Variants in ABCA1 observed in about 807,000 individuals in gnomAD.
ABCA1 encodes phospholipid-transporting ATPase ABCA1.
In ABCA1, 133 loss-of-function variants were observed where a neutral mutation model predicts 262.5. The observed-to-expected ratio is 0.51, with a 90% CI of 0.44 to 0.59. The LOEUF is 0.59. Among genes scored for constraint, ABCA1 ranks in the 20% least tolerant of loss-of-function variants. The pLI is 0.00. For missense variants in ABCA1, 2,452 were observed against 2,777.5 expected, an observed-to-expected ratio of 0.88 and a Z score of 2.63; for synonymous variants, 1,022 against 1,043.5, an observed-to-expected ratio of 0.98 and a Z score of 0.40.
intron 6 of ABCA1, among the ~76,000 whole-genome samples, chr9:104,860,677 T>C (rs985971199): frequency 6.6e-6 from 1 of 151,866 alleles, no homozygotes; most frequent in Non-Finnish European, 1.5e-5. Context: ...CTAATAATGA[T>C]GCCAGAGGAA....
chr9:104,840,580 G>T (rs139804832), intron 8 of ABCA1, 61 bp from the exon 9 acceptor site: 15 of 1,503,352 alleles, frequency 1.0e-5, no homozygotes, highest in Non-Finnish European at 1.4e-5. Flanking sequence ...GCAGTGCAAG[G>T]GTTGGGGATG....
intron 1 of ABCA1, among the ~76,000 whole-genome samples, chr9:104,915,198 A>C (rs1841770885): frequency 6.6e-6 from 1 of 152,226 alleles, no homozygotes; most frequent in African/African-American, 2.4e-5. Context: ...TTCATACAGT[A>C]TCGGCAGCCT....
intron 22 of ABCA1, among the ~76,000 whole-genome samples, chr9:104,819,199 G>T (rs1832047905): frequency 1.3e-5 from 2 of 152,146 alleles, no homozygotes; most frequent in Admixed American, 1.3e-4. Context: ...TATCGGCAAA[G>T]AAGGTGAGGC....
chr9:104,817,172 G>A lies in ABCA1; in HGVS notation c.3535+160C>T, dbSNP rs942487906. 1.3e-4 allele frequency: 131 copies of A among 981,396 alleles called. No individual in the cohort carries two copies. Among genetic ancestry groups the A allele is most frequent in the Middle Eastern group, 5.2e-4 (1 of 1,930 alleles). The allele number at this position is 981,396 out of a possible 1,614,324, so 60.8% of individuals were successfully genotyped here. ...ACCCCAGCAAGCATTAGGCCAACCCGCCACCAAGCTGCTCCCACACCCGCA... is the reference window on the plus strand; with the variant it reads ...ACCCCAGCAAGCATTAGGCCAACCCACCACCAAGCTGCTCCCACACCCGCA... On this transcript the variant is annotated intron_variant, in intron 24 of 49. Coordinates refer to ENST00000374736, the MANE Select transcript of ABCA1 (RefSeq NM_005502.4). This position sits in a 1 kb window ranked among gnomAD's most constrained non-coding sequence, Gnocchi z 4.7.
chr9:104,834,069 T>C (rs540000297), intron 11 of ABCA1, among the ~76,000 whole-genome samples: 1 of 150,018 alleles, frequency 6.7e-6, no homozygotes. Flanking sequence ...AAATCAGTCT[T>C]AGTTTCACTA....
rs1224930391 is a variant in ABCA1, at chr9:104,832,603, C to A, written c.1480G>T (p.Ala494Ser). Residue 494 changes from alanine to serine, a missense_variant, in exon 12 of 50, where the codon GCA (alanine) becomes TCA (serine). Coordinates refer to ENST00000374736, the MANE Select transcript of ABCA1 (RefSeq NM_005502.4). ...ATGAAGCGAGATATGGTCCGGATTGCCTGGTTAGTCTCGTTGAAAGCTTCT... is the reference window on the plus strand; with the variant it reads ...ATGAAGCGAGATATGGTCCGGATTGACTGGTTAGTCTCGTTGAAAGCTTCT... Reference protein sequence around the residue: ...WREAFNETNQAIRTISRFMEC... With the variant: ...WREAFNETNQSIRTISRFMEC... 6.2e-7 allele frequency: 1 copy of A among 1,614,178 alleles called. No homozygotes were observed. Among genetic ancestry groups the A allele is most frequent in the Non-Finnish European group, 8.5e-7 (1 of 1,180,034 alleles).
chr9:104,786,272 TA>T, intron 48 of ABCA1, 25 bp downstream of exon 48: 1 of 1,569,032 alleles, frequency 6.4e-7, no homozygotes, highest in South Asian at 1.1e-5. Context: ...CACTAGGCAC[TA>T]TCCCAAAGAA....
Position 104,792,756 on chromosome 9 carries a change from G to A in ABCA1, c.5757+30C>T, listed in dbSNP as rs761656489. On this transcript the variant is annotated intron_variant, in intron 42 of 49. Coordinates refer to ENST00000374736, the MANE Select transcript of ABCA1 (RefSeq NM_005502.4). Reference sequence around the variant, plus strand: ...GCACATAAAGCTGAAAAAAACTGAAGATGAGCTATTGTAACCTGTACTCTC... The same window carrying A: ...GCACATAAAGCTGAAAAAAACTGAAAATGAGCTATTGTAACCTGTACTCTC... 16 of 1,613,906 alleles carry A rather than the reference G, an allele frequency of 9.9e-6. No homozygotes were observed. In the East Asian group the frequency reaches 3.6e-4, roughly 36 times the overall value.
chr9:104,859,236 C>T (rs186836486), intron 6 of ABCA1, among the ~76,000 whole-genome samples: 5 of 152,216 alleles, frequency 3.3e-5, no homozygotes, highest in African/African-American at 1.2e-4. Context: ...GAGCAGAGTG[C>T]CAGAAAGCCA....
chr9:104,904,896 T>C (rs1291181282), intron 1 of ABCA1, among the ~76,000 whole-genome samples: 2 of 152,198 alleles, frequency 1.3e-5, no homozygotes, highest in African/African-American at 4.8e-5. Context: ...CTTGGAGGAC[T>C]GTTTGCCATG....
chr9:104,833,473 G>A (rs1185870610), intron 11 of ABCA1, among the ~76,000 whole-genome samples: 1 of 152,132 alleles, frequency 6.6e-6, no homozygotes, highest in Non-Finnish European at 1.5e-5. Flanking sequence ...CAAGCCACCA[G>A]CCCAGTGAGT....
At position 104,845,474 on chromosome 9, in the gene ABCA1, T is replaced by C; in HGVS notation, c.813+3A>G. On this transcript the variant is annotated splice_donor_region_variant and intron_variant, in intron 8 of 49. Transcript: ENST00000374736. The stretch of plus-strand genomic sequence containing the variant: ...TTCCTGGTACTGGAAAGACACAACT[T>C]ACCTCCTGGGCCAGAGTCCCAAGAC... 1 of 1,610,886 alleles carries C rather than the reference T, an allele frequency of 6.2e-7. No individual in the cohort carries two copies. Among genetic ancestry groups the C allele is most frequent in the Non-Finnish European group, 8.5e-7 (1 of 1,177,244 alleles).
chr9:104,911,254 A>G (rs956237920), intron 1 of ABCA1, among the ~76,000 whole-genome samples: 1 of 152,206 alleles, frequency 6.6e-6, no homozygotes, highest in African/African-American at 2.4e-5. Context: ...GATATGACTC[A>G]TGTGCCTCAT....
chr9:104,817,244 G>GCCTCTGCACCTCTCCT lies in ABCA1; in HGVS notation c.3535+72_3535+87dup. 4 of 1,609,916 alleles carry GCCTCTGCACCTCTCCT rather than the reference G, an allele frequency of 2.5e-6. No individual in the cohort carries two copies. The highest frequency in any genetic ancestry group is 3.4e-6 in the Non-Finnish European group (4 of 1,178,616). On this transcript the variant is annotated intron_variant, in intron 24 of 49. Coordinates refer to ENST00000374736, the MANE Select transcript of ABCA1 (RefSeq NM_005502.4). This position sits in a 1 kb window ranked among gnomAD's most constrained non-coding sequence, Gnocchi z 4.7. Reference sequence around the variant, plus strand: ...AGCAAACCTTGAGTCAGCGCCACCAGCCTCTGCACCTCTCCTCCTCTGCCT... The same window carrying GCCTCTGCACCTCTCCT: ...AGCAAACCTTGAGTCAGCGCCACCAGCCTCTGCACCTCTCCTCCTCTGCACCTCTCCTCCTCTGCCT...
chr9:104,841,139 A>ACAACAGTGTGTGGTGAGGCAC (rs1834325656), intron 8 of ABCA1, among the ~76,000 whole-genome samples: 1 of 152,180 alleles, frequency 6.6e-6, no homozygotes, highest in Admixed American at 6.5e-5. Context: ...CATTAAGATG[A>ACAACAGTGTGTGGTGAGGCAC]AAAACTCGAG....
Position 104,829,142 on chromosome 9 carries a change from G to C in ABCA1, c.1893-4C>G, listed in dbSNP as rs376684614. The C allele has an allele frequency of 1.7e-4, 280 of 1,614,032 alleles. No individual in the cohort carries two copies. The highest frequency in any genetic ancestry group is 2.2e-4 in the Non-Finnish European group (261 of 1,180,038). ...CCGGCTCATCACCCGCAGAAAGCTG[G>C]AGGCCCCAAGGAAGGACAAGGGGAG... On this transcript the variant is annotated splice_region_variant and splice_polypyrimidine_tract_variant and intron_variant, in intron 14 of 49. Coordinates refer to ENST00000374736, the MANE Select transcript of ABCA1 (RefSeq NM_005502.4).
intron 3 of ABCA1, 73 bp from the exon 4 acceptor site, chr9:104,884,641 A>T: frequency 3.2e-6 from 5 of 1,557,622 alleles, no homozygotes; most frequent in Non-Finnish European, 4.4e-6. Flanking sequence ...GGCTCCATTT[A>T]TACAATGCTT....
intron 5 of ABCA1, among the ~76,000 whole-genome samples, chr9:104,872,382 G>T (rs1041298025): frequency 9.2e-5 from 14 of 152,156 alleles, no homozygotes; most frequent in Non-Finnish European, 1.9e-4. Flanking sequence ...CAAAAGCTGG[G>T]GATGGCACCT....
At chr9:104,796,032 T>C in intron 39 of ABCA1, 21 bp downstream of exon 39, 6 of 1,612,002 alleles carry the variant, frequency 3.7e-6, no homozygotes, top group Non-Finnish European at 5.1e-6. Flanking sequence ...CCAGCAGGAG[T>C]GTTCTCTCTG....
Sources: allele counts gnomAD v4.1 joint callset (sites outside exome capture counted in the v4.1 genomes callset), GRCh38; gene constraint gnomAD v4.1.1; non-coding constraint Gnocchi (gnomAD v3.1); transcripts MANE v1.5; gene names NCBI Gene and HGNC (gene_info 2026-07-23, HGNC 2026-07-21).